LIMS2: variants seen among roughly 807,000 people sequenced by gnomAD.
LIMS2 encodes LIM zinc finger domain containing 2.
LIMS2 carries 30 observed loss-of-function variants against 45.3 expected under a neutral mutation model. That is an observed-to-expected ratio of 0.66 (90% CI 0.50 to 0.90). LIMS2 has a LOEUF of 0.90. Ranked by LOEUF, LIMS2 falls within the 40% of genes least tolerant of loss-of-function variation. The pLI is 0.00. For missense variants in LIMS2, 485 were observed against 468.7 expected (o/e 1.03, Z -0.32); for synonymous variants, 173 against 188.0 (o/e 0.92, Z 0.65).
At chr2:127,656,178 T>C (rs1684237012) in intron 2 of LIMS2, 1 of 152,270 alleles carries the variant, frequency 6.6e-6, no homozygotes, top group Non-Finnish European at 1.5e-5. Flanking sequence ...TGTATCCCAT[T>C]GTACGCTGAT....
upstream of LIMS2, among the ~76,000 whole-genome samples, chr2:127,676,681 C>G (rs574389505): frequency 3.3e-5 from 5 of 152,194 alleles, no homozygotes; most frequent in East Asian, 3.9e-4. Flanking sequence ...CTTCTTGTTG[C>G]GAGCGTGTCT....
rs989413933 is a variant in LIMS2 at position 127,650,546 on chromosome 2, G to A, written c.359+3878C>T. 5.4e-3 allele frequency: 3,221 copies of A among 597,752 alleles called. 7 individuals carry two copies. Among genetic ancestry groups the A allele is most frequent in the Middle Eastern group, 0.01 (26 of 2,506 alleles). 37.0% of individuals were successfully genotyped at this position (597,752 alleles called of 1,614,324 possible). A position where few individuals can be genotyped will look rare whatever the true frequency, so the allele number is the denominator to read the frequency against. On this transcript the variant is annotated intron_variant, in intron 4 of 9. Transcript: ENST00000355119. ...TGCTGAAGTTCAGAATGCCTCTGAC[G>A]CTCACGCACACCAAATGGACAAGGA...
rs7568008 is a variant in LIMS2, at chr2:127,661,017, T to G, written c.12-3455A>C. Among the ~76,000 whole-genome samples the G allele has an allele frequency of 3.8e-3, 573 of 151,654 alleles. 4 individuals are homozygous for G. The highest frequency in any genetic ancestry group is 0.013 in the African/African-American group (538 of 41,038). On this transcript the variant is annotated intron_variant, in intron 1 of 9. Coordinates refer to ENST00000355119, the MANE Select transcript of LIMS2 (RefSeq NM_001161403.3). ...CACAGAGAGCCCCTAACAGCAGCTC[T>G]GTGAGGGAACATTCTGCTCCAAGAG...
At chr2:127,652,024 C>T (rs932123050) in intron 4 of LIMS2, 6 of 515,670 alleles carry the variant, frequency 1.2e-5, no homozygotes, top group African/African-American at 3.8e-5. Context: ...GAGAGGAGGC[C>T]GGAAGAACAA....
At chr2:127,654,675 T>A (rs1347257066) in intron 3 of LIMS2, 131 bp from the exon 4 acceptor site, 1 of 1,507,722 alleles carries the variant, frequency 6.6e-7, no homozygotes, top group African/African-American at 1.4e-5. Flanking sequence ...GGGATGGTGA[T>A]GCCTGTAGGG....
At chr2:127,668,696 AAAAAAAAAAAAAAAAC>A (rs1685141307) in intron 1 of LIMS2, among the ~76,000 whole-genome samples, 9 of 112,898 alleles carry the variant, frequency 8.0e-5, no homozygotes, top group African/African-American at 2.9e-4. Flanking sequence ...AAAAAAAAAA[AAAAAAAAAAAAAAAAC>A]ACCTTACTTA....
In LIMS2 at chr2:127,673,829, TG is replaced by T. The variant is rs542536858; in HGVS notation, c.11+1184del. 5.5e-4 allele frequency: 681 copies of T among 1,228,248 alleles called. 4 individuals carry two copies. In the African/African-American group the frequency reaches 8.5e-3, roughly 15 times the overall value. The allele number at this position is 1,228,248 out of a possible 1,614,324, so 76.1% of individuals were successfully genotyped here. ...GCAGCCCCGCTAGAACCCTAGGGGGTGACCACAGGCAGCCAGTGGGCCTGCA... is the reference window on the plus strand; with the variant it reads ...GCAGCCCCGCTAGAACCCTAGGGGGTACCACAGGCAGCCAGTGGGCCTGCA... On this transcript the variant is annotated intron_variant, in intron 1 of 9. Coordinates refer to ENST00000355119, the MANE Select transcript of LIMS2 (RefSeq NM_001161403.3).
intron 4 of LIMS2, chr2:127,649,937 G>A: frequency 7.8e-7 from 1 of 1,274,206 alleles, no homozygotes; most frequent in East Asian, 2.5e-5. Context: ...TCTACTCTGG[G>A]AGAGAAAATA....
rs1685474856 is a variant in LIMS2, at chr2:127,675,520, C to T, written c.-496G>A. 6.6e-6 allele frequency among the ~76,000 whole-genome samples: 1 copy of T among 152,184 alleles called. No homozygotes were observed. The highest frequency in any genetic ancestry group is 1.9e-4 in the East Asian group (1 of 5,170). On this transcript the variant is annotated 5_prime_UTR_variant, in exon 1 of 10. Transcript: ENST00000355119. Reference sequence around the variant, plus strand: ...CAAGTCCTTCCCAACCCGGGCTCTGCTCGCCACCTCCTGGATTCCGGGCAT... The same window carrying T: ...CAAGTCCTTCCCAACCCGGGCTCTGTTCGCCACCTCCTGGATTCCGGGCAT...
intron 4 of LIMS2, chr2:127,650,706 T>C: frequency 1.3e-6 from 2 of 1,586,742 alleles, no homozygotes; most frequent in Non-Finnish European, 1.7e-6. Flanking sequence ...TGTTTGCTTG[T>C]TCCCTCCAGG....
In LIMS2 at chr2:127,664,640, G is replaced by C. The variant is rs1355890740; in HGVS notation, c.12-7078C>G. ...GCTCCTGAAAGCTGAGGCTGGCGGG[G>C]GTTGGGTCCCGCTGGGAGGGGACTG... On this transcript the variant is annotated intron_variant, in intron 1 of 9. Coordinates refer to ENST00000355119, the MANE Select transcript of LIMS2 (RefSeq NM_001161403.3). The surrounding 1 kb of genome is among the most constrained non-coding windows in gnomAD (Gnocchi z 5.5). The C allele has an allele frequency of 2.7e-6, 3 of 1,092,090 alleles. No individual in the cohort carries two copies. In the African/African-American group the frequency reaches 5.0e-5, roughly 18 times the overall value. The allele number at this position is 1,092,090 out of a possible 1,614,324, so 67.6% of individuals were successfully genotyped here.
At chr2:127,649,773 G>A (rs2105263709) in intron 4 of LIMS2, among the ~76,000 whole-genome samples, 1 of 152,346 alleles carries the variant, frequency 6.6e-6, no homozygotes, top group Admixed American at 6.5e-5. Context: ...CTGTCACAGG[G>A]CTCTGCACTT....
intron 4 of LIMS2, chr2:127,651,989 TCAA>T (rs1419632389): frequency 2.6e-5 from 15 of 568,682 alleles, no homozygotes; most frequent in Non-Finnish European, 4.2e-5. Context: ...TCCTAGACAC[TCAA>T]CGACTTCATC....
intron 6 of LIMS2, chr2:127,641,708 C>T: frequency 4.2e-6 from 1 of 239,144 alleles, no homozygotes; most frequent in Non-Finnish European, 8.1e-6. Context: ...CAGGGCTGTC[C>T]ATGCAGCGGG....
intron 7 of LIMS2, chr2:127,640,691 A>T (rs987764833): frequency 1.7e-6 from 1 of 602,658 alleles, no homozygotes; most frequent in Non-Finnish European, 3.0e-6. Context: ...CCAGCCCCAG[A>T]ACATTCTTCA....
intron 4 of LIMS2, chr2:127,650,427 T>C (rs1404026478): frequency 7.4e-6 from 4 of 538,144 alleles, no homozygotes; most frequent in Non-Finnish European, 1.3e-5. Flanking sequence ...ACTGACCCGG[T>C]CCTCCCAGCT....
chr2:127,664,295 T>C lies in LIMS2; in HGVS notation c.12-6733A>G. 8.1e-7 allele frequency: 1 copy of C among 1,235,068 alleles called. No individual in the cohort carries two copies. Among genetic ancestry groups the C allele is most frequent in the South Asian group, 3.6e-5 (1 of 27,684 alleles). The allele number at this position is 1,235,068 out of a possible 1,614,324, so 76.5% of individuals were successfully genotyped here. A position where few individuals can be genotyped will look rare whatever the true frequency, so the allele number is the denominator to read the frequency against. On this transcript the variant is annotated intron_variant, in intron 1 of 9. Transcript: ENST00000355119. This position sits in a 1 kb window ranked among gnomAD's most constrained non-coding sequence, Gnocchi z 5.5. ...TTGTCCCCGCCACCCGCCCCGCCCC[T>C]GGCCACCTACCCCGTGGCTGGCGGC...
intron 1 of LIMS2, 183 bp downstream of exon 1, chr2:127,674,831 G>A: frequency 1.0e-6 from 1 of 985,364 alleles, no homozygotes; most frequent in Non-Finnish European, 1.2e-6. Flanking sequence ...AGAGGAAGAG[G>A]CGCGGGGGCT....
In LIMS2 at chr2:127,652,107, C is replaced by T. The variant is rs141240102; in HGVS notation, c.359+2317G>A. The T allele has an allele frequency of 2.9e-3, 867 of 295,172 alleles. 5 individuals are homozygous for T. Among genetic ancestry groups the T allele is most frequent in the African/African-American group, 0.017 (787 of 46,660 alleles). The allele number at this position is 295,172 out of a possible 1,614,324, so 18.3% of individuals were successfully genotyped here. On this transcript the variant is annotated intron_variant, in intron 4 of 9. Transcript: ENST00000355119. ...TTCCCGCTACAGAATCGCTCATCGG[C>T]GAGGCTCAGCAGAAAGACCCTGAAG...
Sources: allele counts gnomAD v4.1 joint callset (sites outside exome capture counted in the v4.1 genomes callset), GRCh38; gene constraint gnomAD v4.1.1; non-coding constraint Gnocchi (gnomAD v3.1); transcripts MANE v1.5; gene names NCBI Gene and HGNC (gene_info 2026-07-23, HGNC 2026-07-21).